Variants in AKAP6 observed in about 807,000 individuals in gnomAD.
AKAP6 encodes A-kinase anchor protein 6.
In AKAP6, 58 loss-of-function variants were observed where a neutral mutation model predicts 188.5. The ratio of observed to expected loss-of-function variants is 0.31; its 90% confidence interval spans 0.25 to 0.38. AKAP6 has a LOEUF of 0.38. Ranked by LOEUF, AKAP6 falls within the 10% of genes least tolerant of loss-of-function variation. The pLI, the probability that AKAP6 is intolerant of heterozygous loss-of-function variation, is 1.00. For synonymous variants in AKAP6, 989 were observed against 998.6 expected, an observed-to-expected ratio of 0.99 and a Z score of 0.18; for missense variants, 2,710 against 2,740.0, an observed-to-expected ratio of 0.99 and a Z score of 0.24.
chr14:32,577,576 A>G (rs1232307253), intron 5 of AKAP6, among the ~76,000 whole-genome samples: 1 of 152,170 alleles, frequency 6.6e-6, no homozygotes, highest in Non-Finnish European at 1.5e-5. Context: ...GAAAGAGATG[A>G]TTTTGATGAC....
intron 7 of AKAP6, among the ~76,000 whole-genome samples, chr14:32,672,062 G>T (rs1014906035): frequency 6.6e-6 from 1 of 152,154 alleles, no homozygotes; most frequent in African/African-American, 2.4e-5. Context: ...CAAGATCAGA[G>T]GGAAGTATAT....
In AKAP6 at chr14:32,580,776, T is replaced by C. The variant is rs1884928478; in HGVS notation, c.2469+3534T>C. ...TGTCCATGTGTTCTCATTGTTCAATTCCCACCTATGAGTGACAACATGCGG... is the reference window on the plus strand; with the variant it reads ...TGTCCATGTGTTCTCATTGTTCAATCCCCACCTATGAGTGACAACATGCGG... On this transcript the variant is annotated intron_variant, in intron 5 of 13. Transcript: ENST00000280979. Among the ~76,000 whole-genome samples the C allele has an allele frequency of 2.0e-5, 3 of 152,116 alleles. No homozygotes were observed. The South Asian group carries it at 6.2e-4, about 32-fold the overall frequency.
chr14:32,574,699 A>G (rs559952152), intron 4 of AKAP6, among the ~76,000 whole-genome samples: 27 of 152,318 alleles, frequency 1.8e-4, no homozygotes, highest in Admixed American at 1.6e-3. Flanking sequence ...ACCAATTTAT[A>G]TGTACAGATA....
intron 1 of AKAP6, among the ~76,000 whole-genome samples, chr14:32,421,848 G>A (rs115559013): frequency 0.024 from 3,700 of 152,210 alleles, 109 homozygotes; most frequent in African/African-American, 0.074. Context: ...CTAGTCTCTC[G>A]ACTGGAGGGT....
chr14:32,423,421 C>T (rs1191030425), intron 1 of AKAP6, among the ~76,000 whole-genome samples: 1 of 152,112 alleles, frequency 6.6e-6, no homozygotes, highest in Non-Finnish European at 1.5e-5. Flanking sequence ...CTTAATTGAT[C>T]CCCCACCTTC....
chr14:32,448,341 T>C lies in AKAP6; in HGVS notation c.324+14524T>C, dbSNP rs1005051486. On this transcript the variant is annotated intron_variant, in intron 2 of 13. Coordinates refer to ENST00000280979, the MANE Select transcript of AKAP6 (RefSeq NM_004274.5). ...TGGCCTTGATCCCCAATCTATTCTT[T>C]CTGCATCTGGGTGAGGACCCTTTCT... 3.3e-5 allele frequency among the ~76,000 whole-genome samples: 5 copies of C among 152,236 alleles called. 1 individual carries two copies. The highest frequency in any genetic ancestry group is 1.3e-4 in the Admixed American group (2 of 15,276).
intron 13 of AKAP6, 112 bp from the exon 14 acceptor site, chr14:32,829,736 T>C (rs1036302316): frequency 7.3e-6 from 4 of 549,434 alleles, no homozygotes; most frequent in East Asian, 6.0e-5. Flanking sequence ...TTTCAGAACA[T>C]TAGCAAGTAG....
intron 11 of AKAP6, among the ~76,000 whole-genome samples, chr14:32,748,003 G>A (rs186820451): frequency 4.6e-5 from 7 of 152,266 alleles, no homozygotes; most frequent in Admixed American, 2.0e-4. Flanking sequence ...AGAGGAAAGA[G>A]AGATCTCACC....
chr14:32,804,843 T>G (rs2034047790), intron 12 of AKAP6, among the ~76,000 whole-genome samples: 1 of 152,106 alleles, frequency 6.6e-6, no homozygotes, highest in South Asian at 2.1e-4. Flanking sequence ...TAATATTCCT[T>G]GCTAGGAAAA....
At chr14:32,750,848 C>T (rs2032104470) in intron 11 of AKAP6, among the ~76,000 whole-genome samples, 1 of 150,902 alleles carries the variant, frequency 6.6e-6, no homozygotes. Flanking sequence ...CATTCTCCTG[C>T]CTCAGCCTCC....
intron 2 of AKAP6, among the ~76,000 whole-genome samples, chr14:32,441,833 A>C (rs1167108287): frequency 6.6e-6 from 1 of 152,246 alleles, no homozygotes; most frequent in Non-Finnish European, 1.5e-5. Flanking sequence ...TTACAATTTG[A>C]AAGAAATAAT....
At chr14:32,374,742 A>T (rs1235479666) in intron 1 of AKAP6, among the ~76,000 whole-genome samples, 3 of 152,254 alleles carry the variant, frequency 2.0e-5, no homozygotes, top group Non-Finnish European at 4.4e-5. Flanking sequence ...ATTAGATTGT[A>T]CTATTAACAT....
intron 5 of AKAP6, among the ~76,000 whole-genome samples, chr14:32,577,903 C>T (rs1172158304): frequency 3.3e-5 from 5 of 151,922 alleles, no homozygotes; most frequent in East Asian, 1.9e-4. Flanking sequence ...TTCAAATGGC[C>T]GATATCAATT....
rs2034601651 is a variant in AKAP6, at chr14:32,823,869, G to T, written c.6056G>T (p.Cys2019Phe). 2 of 1,613,576 alleles carry T rather than the reference G, an allele frequency of 1.2e-6. No homozygotes were observed. The highest frequency in any genetic ancestry group is 2.2e-5 in the East Asian group (1 of 44,888). The change falls in exon 13 of 14, where the codon TGC becomes TTC. Residue 2019 changes from cysteine to phenylalanine, a missense_variant. Cys to Phe is a radical substitution (Grantham distance 205). Coordinates refer to ENST00000280979, the MANE Select transcript of AKAP6 (RefSeq NM_004274.5). ...ATGGCTGGAAAATCTGCTGGTTGTT[G>T]CCTAGCACTTGAACAAAACGGAACA... is the stretch of plus-strand genomic sequence containing the variant. Reference protein sequence around the residue: ...PSMAGKSAGCCLALEQNGTEE... With the variant: ...PSMAGKSAGCFLALEQNGTEE...
At chr14:32,757,268 T>C (rs533372148) in intron 11 of AKAP6, among the ~76,000 whole-genome samples, 4 of 152,210 alleles carry the variant, frequency 2.6e-5, no homozygotes, top group Non-Finnish European at 2.9e-5. Context: ...GTTGTTCAAA[T>C]TGATGTGTCT....
intron 2 of AKAP6, among the ~76,000 whole-genome samples, chr14:32,517,190 T>C (rs1881568631): frequency 1.3e-5 from 2 of 152,240 alleles, no homozygotes; most frequent in African/African-American, 4.8e-5. Flanking sequence ...CAAATATTTA[T>C]CTTAACTTTC....
At chr14:32,804,854 G>T (rs1456012155) in intron 12 of AKAP6, among the ~76,000 whole-genome samples, 1 of 152,104 alleles carries the variant, frequency 6.6e-6, no homozygotes, top group Non-Finnish European at 1.5e-5. Context: ...GCTAGGAAAA[G>T]AATTTAGAGA....
chr14:32,580,056 T>C (rs994473384), intron 5 of AKAP6, among the ~76,000 whole-genome samples: 1 of 152,078 alleles, frequency 6.6e-6, no homozygotes, highest in Non-Finnish European at 1.5e-5. Flanking sequence ...TAAAGAAAAA[T>C]ATAAAAATCA....
chr14:32,504,495 G>C (rs1880766092), intron 2 of AKAP6, among the ~76,000 whole-genome samples: 1 of 152,084 alleles, frequency 6.6e-6, no homozygotes. Flanking sequence ...GGCCAGGCTG[G>C]TCTCGAACTC....
Sources: allele counts gnomAD v4.1 joint callset (sites outside exome capture counted in the v4.1 genomes callset), GRCh38; gene constraint gnomAD v4.1.1; transcripts MANE v1.5; gene names NCBI Gene and HGNC (gene_info 2026-07-23, HGNC 2026-07-21).